The following PPDPFL variants were observed in gnomAD, a reference collection of about 807,000 sequenced individuals.
The protein encoded by PPDPFL is pancreatic progenitor cell differentiation and proliferation factor like, also known as pancreatic progenitor cell differentiation and proliferation factor-like protein.
Under a neutral mutation model 12.6 loss-of-function variants are expected in PPDPFL, and 12 were observed. That is an observed-to-expected ratio of 0.95 (90% CI 0.61 to 1.54). The LOEUF (loss-of-function observed/expected upper bound fraction) is 1.54. PPDPFL is among the 40% of genes most tolerant of loss of function. The pLI is 0.00. For synonymous variants in PPDPFL, 24 were observed against 32.7 expected (o/e 0.73, Z 0.91); for missense variants, 114 against 96.0 (o/e 1.19, Z -0.78).
In PPDPFL at chr8:49,075,145, A is replaced by G. The variant is rs773526789; in HGVS notation, c.234-7A>G. 1 of 1,613,270 alleles carries G rather than the reference A, an allele frequency of 6.2e-7. No individual in the cohort carries two copies. The highest frequency in any genetic ancestry group is 1.1e-5 in the South Asian group (1 of 91,062). On this transcript the variant is annotated splice_polypyrimidine_tract_variant and splice_region_variant and intron_variant, in intron 4 of 4. Transcript: ENST00000522267. ...CCTCCTCTCTGACTACTATAAAATCAACCCAGATTACAGATGAGCACTTTG... is the reference window on the plus strand; with the variant it reads ...CCTCCTCTCTGACTACTATAAAATCGACCCAGATTACAGATGAGCACTTTG...
chr8:49,058,890 C>T (rs1032704667), intron 1 of PPDPFL, among the ~76,000 whole-genome samples: 1 of 152,184 alleles, frequency 6.6e-6, no homozygotes, highest in Non-Finnish European at 1.5e-5. Context: ...TTCTTTCTGG[C>T]TGCCTGTTAA....
chr8:49,071,207 C>T (rs1383640647), upstream of PPDPFL, among the ~76,000 whole-genome samples: 1 of 152,166 alleles, frequency 6.6e-6, no homozygotes, highest in African/African-American at 2.4e-5. Context: ...GAAAACCTAG[C>T]TGACATGAAT....
upstream of PPDPFL, among the ~76,000 whole-genome samples, chr8:49,069,753 G>A (rs527363106): frequency 1.3e-5 from 2 of 152,216 alleles, no homozygotes; most frequent in South Asian, 2.1e-4. Flanking sequence ...TGGCTAACAC[G>A]GTGAAACCCC....
At chr8:49,075,027 A>C in intron 4 of PPDPFL, 125 bp from the exon 5 acceptor site, 1 of 1,461,252 alleles carries the variant, frequency 6.8e-7, no homozygotes, top group South Asian at 1.2e-5. Context: ...TTAAAAGCCA[A>C]TGCAAGATTG....
At chr8:49,063,474 C>A (rs894308512) in intron 1 of PPDPFL, among the ~76,000 whole-genome samples, 2 of 152,164 alleles carry the variant, frequency 1.3e-5, no homozygotes, top group East Asian at 1.9e-4. Context: ...AGTCCCAGCA[C>A]TTTGGGAGGC....
At chr8:49,057,085 A>C (rs1349245465) in intron 1 of PPDPFL, among the ~76,000 whole-genome samples, 1 of 152,162 alleles carries the variant, frequency 6.6e-6, no homozygotes, top group Non-Finnish European at 1.5e-5. Flanking sequence ...AATTTTTTGA[A>C]AGCTTGTGAC....
intron 1 of PPDPFL, among the ~76,000 whole-genome samples, chr8:49,061,560 C>T (rs1045213601): frequency 6.6e-5 from 10 of 152,136 alleles, no homozygotes; most frequent in East Asian, 1.9e-4. Context: ...GCACCATCTC[C>T]GGTGTTTGAG....
At chr8:49,072,561 G>T in intron 1 of PPDPFL, 79 bp downstream of exon 1, 1 of 311,282 alleles carries the variant, frequency 3.2e-6, no homozygotes, top group East Asian at 7.6e-5. Flanking sequence ...TCTGTGCATT[G>T]TGTATAGTTG....
chr8:49,072,819 A>G lies in PPDPFL; in HGVS notation c.-12A>G. ...CTCACAGCTTCTTGGGTGCTTTCTC[A>G]CGGGTAAAGCCATGGCATCCGTACC... is the stretch of plus-strand genomic sequence containing the variant. On this transcript the variant is annotated 5_prime_UTR_variant, in exon 2 of 5. Coordinates refer to ENST00000522267, the MANE Select transcript of PPDPFL (RefSeq NM_001256597.2). 2 of 1,594,716 alleles carry G rather than the reference A, an allele frequency of 1.3e-6. No homozygotes were observed. The highest frequency in any genetic ancestry group is 2.3e-5 in the South Asian group (2 of 87,270).
In PPDPFL at chr8:49,055,149, G is replaced by A. The variant is rs1808093069; in HGVS notation, c.-45+780G>A. On this transcript the variant is annotated intron_variant, in intron 1 of 4. Transcript: ENST00000517663. ...TTGGCTGTGGATCAGTTGGTTTCTGGGCTCTATGATTTTACTTTGTTAAGT... is the reference window on the plus strand; with the variant it reads ...TTGGCTGTGGATCAGTTGGTTTCTGAGCTCTATGATTTTACTTTGTTAAGT... Among the ~76,000 whole-genome samples the A allele has an allele frequency of 2.0e-5, 3 of 151,942 alleles. No homozygotes were observed. In the South Asian group the frequency reaches 6.2e-4, roughly 32 times the overall value.
In PPDPFL at chr8:49,075,299, T is replaced by G; in HGVS notation, c.*126T>G. ...CTGCAGTGGTCCATACATGAACAGC[T>G]CCCCTTCAGCGCCCCAGCTATTCCA... On this transcript the variant is annotated 3_prime_UTR_variant, in exon 5 of 5. Coordinates refer to ENST00000522267, the MANE Select transcript of PPDPFL (RefSeq NM_001256597.2). 1.3e-6 allele frequency: 2 copies of G among 1,597,130 alleles called. No homozygotes were observed. The highest frequency in any genetic ancestry group is 8.6e-7 in the Non-Finnish European group (1 of 1,164,590).
At chr8:49,065,744 G>A (rs1808288290) in intron 1 of PPDPFL, among the ~76,000 whole-genome samples, 1 of 152,160 alleles carries the variant, frequency 6.6e-6, no homozygotes, top group African/African-American at 2.4e-5. Flanking sequence ...CAGAGCAAAA[G>A]ATTTGTGTTA....
At chr8:49,071,754 C>G (rs759046899), upstream of PPDPFL, among the ~76,000 whole-genome samples, 1 of 152,170 alleles carries the variant, frequency 6.6e-6, no homozygotes, top group Non-Finnish European at 1.5e-5. Flanking sequence ...GATATTGATA[C>G]AATGTCATAA....
At chr8:49,075,020 A>G (rs1808467879) in intron 4 of PPDPFL, 132 bp from the exon 5 acceptor site, 2 of 1,425,598 alleles carry the variant, frequency 1.4e-6, no homozygotes, top group East Asian at 2.5e-5. Flanking sequence ...AGTATTTTTA[A>G]AAGCCAATGC....
At chr8:49,074,578 C>T in intron 4 of PPDPFL, 2 of 1,536,208 alleles carry the variant, frequency 1.3e-6, no homozygotes, top group Admixed American at 2.0e-5. Flanking sequence ...AAGTCATATG[C>T]CAAACTGTGT....
intron 1 of PPDPFL, among the ~76,000 whole-genome samples, chr8:49,061,085 G>T (rs1432614776): frequency 6.6e-6 from 1 of 152,046 alleles, no homozygotes; most frequent in Non-Finnish European, 1.5e-5. Context: ...CCCTGTCATG[G>T]GTGACAGGTG....
Position 49,073,017 on chromosome 8 carries a change from C to T in PPDPFL, c.55+132C>T. 3.9e-6 allele frequency: 3 copies of T among 775,522 alleles called. No homozygotes were observed. In the South Asian group the frequency reaches 5.2e-5, roughly 13 times the overall value. 48.0% of individuals were successfully genotyped at this position (775,522 alleles called of 1,614,324 possible). A position where few individuals can be genotyped will look rare whatever the true frequency, so the allele number is the denominator to read the frequency against. On this transcript the variant is annotated intron_variant, in intron 2 of 4. Transcript: ENST00000522267. ...GAACTATTGGTGACAATGAAGAAAG[C>T]AGGAGGCCTCAGGGACTTCTCTGAT...
At chr8:49,074,774 G>A in intron 4 of PPDPFL, 2 of 1,434,406 alleles carry the variant, frequency 1.4e-6, no homozygotes, top group East Asian at 2.5e-5. Flanking sequence ...GAGTTTGTGT[G>A]CAGTTGTTTT....
chr8:49,071,525 G>A (rs1375750106), upstream of PPDPFL, among the ~76,000 whole-genome samples: 1 of 152,056 alleles, frequency 6.6e-6, no homozygotes, highest in African/African-American at 2.4e-5. Context: ...GCATGGTAGC[G>A]CGTGCCTGTA....
Sources: allele counts gnomAD v4.1 joint callset (sites outside exome capture counted in the v4.1 genomes callset), GRCh38; gene constraint gnomAD v4.1.1; transcripts MANE v1.5; gene names NCBI Gene and HGNC (gene_info 2026-07-23, HGNC 2026-07-21).